The following USH2A variants were observed in gnomAD, a reference collection of about 807,000 sequenced individuals.
USH2A encodes the protein Usher syndrome 2A (autosomal recessive, mild).
Under a neutral mutation model 538.9 loss-of-function variants are expected in USH2A, and 443 were observed. The ratio of observed to expected loss-of-function variants is 0.82; its 90% CI spans 0.76 to 0.89. The LOEUF is 0.89. USH2A is among the 40% of genes least tolerant of loss of function. The probability of loss-of-function intolerance (pLI) is 0.00; values close to 1 mark genes in which losing one functional copy is unlikely to be tolerated. For missense variants in USH2A, 6,633 were observed against 6,324.8 expected (o/e 1.05, Z -1.65); for synonymous variants, 2,413 against 2,273.5 (o/e 1.06, Z -1.75).
At chr1:216,415,300 A>T (rs889463589) in intron 3 of USH2A, among the ~76,000 whole-genome samples, 1 of 151,918 alleles carries the variant, frequency 6.6e-6, no homozygotes, top group Non-Finnish European at 1.5e-5. Context: ...GAGTCAAATG[A>T]CTCAGTTTGA....
At chr1:215,685,807 T>G (rs1658407458) in intron 61 of USH2A, among the ~76,000 whole-genome samples, 1 of 152,162 alleles carries the variant, frequency 6.6e-6, no homozygotes, top group African/African-American at 2.4e-5. Flanking sequence ...TTTCACCAAC[T>G]TCACCTGCAC....
In USH2A at chr1:216,050,560, T is replaced by TCTTTCTTTC. The variant is rs2030717766; in HGVS notation, c.6050-1914_6050-1913insGAAAGAAAG. On this transcript the variant is annotated intron_variant, in intron 30 of 71. Coordinates refer to ENST00000307340, the MANE Select transcript of USH2A (RefSeq NM_206933.4). ...ACATGCTACTAGACAATTTGTATCT[T>TCTTTCTTTC]TTTCTTTCTTTCTTTCTTTCTTTCT... is the stretch of plus-strand genomic sequence containing the variant. Among the ~76,000 whole-genome samples the TCTTTCTTTC allele has an allele frequency of 1.4e-4, 5 of 35,694 alleles. 1 individual carries two copies. Among genetic ancestry groups the TCTTTCTTTC allele is most frequent in the African/African-American group, 3.0e-4 (4 of 13,530 alleles). 23.4% of individuals were successfully genotyped at this position (35,694 alleles called of 152,430 possible).
intron 55 of USH2A, among the ~76,000 whole-genome samples, chr1:215,776,218 G>A (rs1363393519): frequency 6.6e-6 from 1 of 152,114 alleles, no homozygotes; most frequent in Non-Finnish European, 1.5e-5. Flanking sequence ...GCTGCCATGC[G>A]CTGTTTGCAT....
rs577383944 is a variant in USH2A, at chr1:216,085,750, G to A, written c.4988-873C>T. ...TGTGTGTGTGTGTGTGTGTGTGTGT[G>A]TTTTAGAGGGACTTCTCTGTCAGTC... On this transcript the variant is annotated intron_variant, in intron 24 of 71. Transcript: ENST00000307340. Among the ~76,000 whole-genome samples the A allele has an allele frequency of 7.0e-4, 105 of 150,484 alleles. 2 individuals are homozygous for A. Among genetic ancestry groups the A allele is most frequent in the African/African-American group, 2.3e-3 (93 of 40,910 alleles).
At chr1:215,844,613 G>T in intron 45 of USH2A, 117 bp from the exon 46 acceptor site, 1 of 1,049,710 alleles carries the variant, frequency 9.5e-7, no homozygotes, top group South Asian at 1.3e-5. Flanking sequence ...TCTGCTTTTC[G>T]CTGATGAAGT....
chr1:216,352,899 G>T (rs995135229), intron 4 of USH2A, among the ~76,000 whole-genome samples: 1 of 152,058 alleles, frequency 6.6e-6, no homozygotes, highest in African/African-American at 2.4e-5. Context: ...AAAGGAAAAT[G>T]TATAAATAGT....
chr1:216,089,180 T>C, intron 22 of USH2A, 41 bp from the exon 23 acceptor site: 1 of 1,590,314 alleles, frequency 6.3e-7, no homozygotes, highest in South Asian at 1.1e-5. Context: ...TATACATGCA[T>C]ATCTACAAAT....
chr1:215,677,581 C>T (rs12562314), intron 62 of USH2A, among the ~76,000 whole-genome samples: 1 of 152,168 alleles, frequency 6.6e-6, no homozygotes, highest in South Asian at 2.1e-4. Flanking sequence ...TTTCTATACT[C>T]GGGGTGGCTT....
chr1:215,993,698 TAAATA>T, intron 34 of USH2A, among the ~76,000 whole-genome samples: 1 of 152,310 alleles, frequency 6.6e-6, no homozygotes, highest in East Asian at 1.9e-4. Context: ...CAAATAAAAT[TAAATA>T]AAACAATGTT....
chr1:216,175,559 A>G, intron 20 of USH2A, 77 bp from the exon 21 acceptor site: 3 of 1,338,858 alleles, frequency 2.2e-6, no homozygotes, highest in Non-Finnish European at 3.2e-6. Flanking sequence ...ATATACGTAT[A>G]TATGTATTTG....
chr1:215,972,357 T>C (rs1667515673), intron 35 of USH2A, among the ~76,000 whole-genome samples: 1 of 152,172 alleles, frequency 6.6e-6, no homozygotes, highest in South Asian at 2.1e-4. Context: ...TGGAATGTTG[T>C]TGGCATTTCA....
chr1:215,648,884 A>C (rs1370521660), intron 65 of USH2A, 118 bp from the exon 66 acceptor site: 1 of 960,794 alleles, frequency 1.0e-6, no homozygotes, highest in Non-Finnish European at 1.7e-6. Context: ...TCTGGGAGAC[A>C]CAACATGGCA....
chr1:215,986,425 G>T (rs1267584904), intron 35 of USH2A, among the ~76,000 whole-genome samples: 1 of 151,238 alleles, frequency 6.6e-6, no homozygotes, highest in Non-Finnish European at 1.5e-5. Context: ...GGGATTACAG[G>T]GGTGAGCCAC....
At chr1:215,984,466 T>G (rs1571866274) in intron 35 of USH2A, among the ~76,000 whole-genome samples, 1 of 152,310 alleles carries the variant, frequency 6.6e-6, no homozygotes, top group African/African-American at 2.4e-5. Flanking sequence ...TTTATCACCT[T>G]TCTGTTTCCA....
chr1:216,362,579 T>C (rs1210619536), intron 4 of USH2A, among the ~76,000 whole-genome samples: 1 of 152,148 alleles, frequency 6.6e-6, no homozygotes, highest in African/African-American at 2.4e-5. Flanking sequence ...AAAATGACCA[T>C]ATACTTCAAC....
At chr1:215,827,570 A>C (rs1428424008) in intron 47 of USH2A, among the ~76,000 whole-genome samples, 2 of 152,170 alleles carry the variant, frequency 1.3e-5, no homozygotes, top group Admixed American at 6.6e-5. Flanking sequence ...AGAATGTGAT[A>C]ATCAGAACTC....
At chr1:216,414,521 T>C (rs1054374733) in intron 3 of USH2A, among the ~76,000 whole-genome samples, 7 of 152,118 alleles carry the variant, frequency 4.6e-5, no homozygotes, top group Non-Finnish European at 1.0e-4. Flanking sequence ...TAATTTTTTT[T>C]CTGATTTTGG....
chr1:216,187,302 A>G (rs947528786), intron 20 of USH2A, among the ~76,000 whole-genome samples: 1 of 152,008 alleles, frequency 6.6e-6, no homozygotes, highest in East Asian at 1.9e-4. Context: ...AATGCTGAGT[A>G]TAATTATCTT....
At chr1:215,816,970 T>C in intron 48 of USH2A, 27 bp downstream of exon 48, 1 of 1,609,664 alleles carries the variant, frequency 6.2e-7, no homozygotes, top group African/African-American at 1.3e-5. Context: ...AAAAACATGG[T>C]TCACTGATTA....
Sources: gnomAD v4.1 joint callset for allele counts (sites outside exome capture counted in the v4.1 genomes callset) on GRCh38, gnomAD v4.1.1 for gene constraint, MANE v1.5 for transcripts, NCBI Gene and HGNC (gene_info 2026-07-23, HGNC 2026-07-21) for gene names.